The following VDR variants were observed in gnomAD, a reference collection of about 807,000 sequenced individuals.
VDR encodes the protein vitamin D receptor.
In VDR, 19 loss-of-function variants were observed where a neutral mutation model predicts 39.7. The ratio of observed to expected loss-of-function variants is 0.48; its 90% CI spans 0.33 to 0.70. VDR has a LOEUF of 0.70. VDR is among the 30% of genes least tolerant of loss of function. The pLI, the probability that VDR is intolerant of heterozygous loss-of-function variation, is 0.02. For synonymous variants in VDR, 242 were observed against 215.8 expected (o/e 1.12, Z -1.07); for missense variants, 442 against 570.5 (o/e 0.77, Z 2.29).
intron 1 of VDR, among the ~76,000 whole-genome samples, chr12:47,887,376 G>T (rs1946278320): frequency 6.8e-6 from 1 of 146,800 alleles, no homozygotes; most frequent in Admixed American, 6.8e-5. Context: ...AAAAGGAAAA[G>T]GATCCCTTTT....
chr12:47,856,621 T>A lies in VDR; in HGVS notation c.583+508A>T, dbSNP rs201530467. On this transcript the variant is annotated intron_variant, in intron 6 of 9. Coordinates refer to ENST00000549336, the MANE Select transcript of VDR (RefSeq NM_000376.3). Reference sequence around the variant, plus strand: ...TTCTAAATATACATATGTGTTTTTTTTAAAAAAAAAAAAAAAAAGAAAGGA... The same window carrying A: ...TTCTAAATATACATATGTGTTTTTTATAAAAAAAAAAAAAAAAAGAAAGGA... Among the ~76,000 whole-genome samples, 621 of 122,962 alleles carry A rather than the reference T, an allele frequency of 5.1e-3. 4 individuals carry two copies. Among genetic ancestry groups the A allele is most frequent in the Non-Finnish European group, 6.2e-3 (345 of 55,550 alleles). 80.7% of individuals were successfully genotyped at this position (122,962 alleles called of 152,430 possible). A position where few individuals can be genotyped will look rare whatever the true frequency, so the allele number is the denominator to read the frequency against.
chr12:47,845,453 C>T (rs1945262331), intron 9 of VDR, among the ~76,000 whole-genome samples: 2 of 152,064 alleles, frequency 1.3e-5, no homozygotes, highest in African/African-American at 4.8e-5. Flanking sequence ...GCCCAGACCA[C>T]GTCAGCTTCC....
intron 4 of VDR, 38 bp downstream of exon 4, chr12:47,865,009 C>T (rs751302771): frequency 4.3e-6 from 7 of 1,611,050 alleles, no homozygotes; most frequent in Non-Finnish European, 5.9e-6. Context: ...CCTGACTCCA[C>T]TTCAGGCCCA....
At chr12:47,880,612 C>T (rs1206917521) in intron 2 of VDR, among the ~76,000 whole-genome samples, 1 of 152,134 alleles carries the variant, frequency 6.6e-6, no homozygotes, top group Non-Finnish European at 1.5e-5. Context: ...CAGAGGGAAT[C>T]CCGGTCACAG....
chr12:47,871,294 C>CTTTCTTTCTTTCTTTCTTTCTTTCTTTCT (rs1945858080), intron 3 of VDR, among the ~76,000 whole-genome samples: 7 of 90,606 alleles, frequency 7.7e-5, no homozygotes, highest in African/African-American at 3.1e-4. Flanking sequence ...TTCTCTTTCT[C>CTTTCTTTCTTTCTTTCTTTCTTTCTTTCT]TTTCTTTCTT....
chr12:47,848,152 TA>T (rs2137125924), intron 7 of VDR, among the ~76,000 whole-genome samples: 1 of 152,290 alleles, frequency 6.6e-6, no homozygotes, highest in Non-Finnish European at 1.5e-5. Flanking sequence ...TCTGCCTGCC[TA>T]GGCTTCCCAA....
At position 47,904,462 on chromosome 12, in the gene VDR, T is replaced by TAAAAAAAAAAAAAAAAAA. The variant is rs17886628; in HGVS notation, c.-84+475_-84+492dup. On this transcript the variant is annotated intron_variant, in intron 1 of 9. Transcript: ENST00000549336. ...AACTCATTGGTAGTTCAAAGAAAAG[T>TAAAAAAAAAAAAAAAAAA]AAAAAAAAAAAAAAAAAAAAAAAAA... 1.7e-4 allele frequency: 61 copies of TAAAAAAAAAAAAAAAAAA among 360,320 alleles called. 1 individual carries two copies. The highest frequency in any genetic ancestry group is 8.9e-4 in the East Asian group (13 of 14,650). The allele number at this position is 360,320 out of a possible 1,614,324, so 22.3% of individuals were successfully genotyped here. A position where few individuals can be genotyped will look rare whatever the true frequency, so the allele number is the denominator to read the frequency against.
rs116521236 is a variant in VDR at position 47,889,442 on chromosome 12, A to G, written c.-83-6668T>C. On this transcript the variant is annotated intron_variant, in intron 1 of 9. Coordinates refer to ENST00000549336, the MANE Select transcript of VDR (RefSeq NM_000376.3). ...TTACAATCAACACAGAGAAACAAAAATGTTGCTAGGATCACCCACATGCTC... is the reference window on the plus strand; with the variant it reads ...TTACAATCAACACAGAGAAACAAAAGTGTTGCTAGGATCACCCACATGCTC... Among the ~76,000 whole-genome samples the G allele has an allele frequency of 4.0e-3, 615 of 152,190 alleles. 1 individual carries two copies. Among genetic ancestry groups the G allele is most frequent in the African/African-American group, 0.014 (591 of 41,554 alleles).
At chr12:47,854,338 G>A (rs1945442522) in intron 7 of VDR, among the ~76,000 whole-genome samples, 1 of 151,978 alleles carries the variant, frequency 6.6e-6, no homozygotes, top group South Asian at 2.1e-4. Flanking sequence ...TGTTGATCAG[G>A]CTGGTCTGGA....
At chr12:47,868,777 T>G (rs1164710305) in intron 3 of VDR, among the ~76,000 whole-genome samples, 2 of 143,054 alleles carry the variant, frequency 1.4e-5, no homozygotes, top group Non-Finnish European at 3.1e-5. Context: ...TTTTTTTTTT[T>G]TTGTTTTTCA....
At chr12:47,891,857 G>A (rs571595141) in intron 1 of VDR, among the ~76,000 whole-genome samples, 74 of 152,192 alleles carry the variant, frequency 4.9e-4, no homozygotes, top group African/African-American at 1.6e-3. Context: ...CCAGGATGCC[G>A]ATGCCCCGCT....
chr12:47,874,466 C>T (rs191262509), intron 3 of VDR, among the ~76,000 whole-genome samples: 77 of 152,298 alleles, frequency 5.1e-4, no homozygotes, highest in African/African-American at 1.8e-3. Context: ...TTCCTGAATG[C>T]CAGAACATTC....
intron 7 of VDR, among the ~76,000 whole-genome samples, chr12:47,850,837 C>T (rs1438393094): frequency 6.6e-6 from 1 of 152,080 alleles, no homozygotes; most frequent in Non-Finnish European, 1.5e-5. Context: ...TTCGTCTTTC[C>T]CACCCCCACA....
At chr12:47,896,093 C>T (rs909944992) in intron 1 of VDR, among the ~76,000 whole-genome samples, 1 of 152,262 alleles carries the variant, frequency 6.6e-6, no homozygotes, top group Non-Finnish European at 1.5e-5. Flanking sequence ...ACTCTCTAAG[C>T]TTCTGCTTCC....
At chr12:47,871,327 T>TTTCTTTCTTTCTTTCC (rs1424254619) in intron 3 of VDR, among the ~76,000 whole-genome samples, 2 of 145,048 alleles carry the variant, frequency 1.4e-5, no homozygotes, top group Non-Finnish European at 3.0e-5. Context: ...TCTTTCTTTC[T>TTTCTTTCTTTCTTTCC]TTCTTTCTTT....
At position 47,879,186 on chromosome 12, in the gene VDR, C is replaced by T. The variant is rs1946084094; in HGVS notation, c.-2-71G>A. The T allele has an allele frequency of 3.9e-6, 6 of 1,557,390 alleles. No homozygotes were observed. The Admixed American group carries it at 1.0e-4, about 27-fold the overall frequency. ...CAGGGCCAGCTGGCATCCTTGGTGC[C>T]ACCCACCCCCAGCCTCATCCCACCG... is the stretch of plus-strand genomic sequence containing the variant. On this transcript the variant is annotated intron_variant, in intron 2 of 9. Transcript: ENST00000549336.
Position 47,882,949 on chromosome 12 carries a change from TG to T in VDR, c.-83-176del, listed in dbSNP as rs1389069434. 5.6e-5 allele frequency: 31 copies of T among 551,726 alleles called. No individual in the cohort carries two copies. In the Admixed American group the frequency reaches 1.1e-3, roughly 19 times the overall value. The allele number at this position is 551,726 out of a possible 1,614,324, so 34.2% of individuals were successfully genotyped here. ...TGCCATGTCATCGCTGGCAGGGGTG[TG>T]GGGGTGGCGGCTGGGCAGCAGCCAG... On this transcript the variant is annotated intron_variant, in intron 1 of 9. Transcript: ENST00000549336.
chr12:47,884,955 G>C (rs1946225355), intron 1 of VDR, among the ~76,000 whole-genome samples: 1 of 152,116 alleles, frequency 6.6e-6, no homozygotes, highest in East Asian at 1.9e-4. Flanking sequence ...AGATATCCTA[G>C]ATTCAGCCTC....
intron 1 of VDR, among the ~76,000 whole-genome samples, chr12:47,886,848 T>C (rs1946264965): frequency 6.6e-6 from 1 of 152,222 alleles, no homozygotes; most frequent in Non-Finnish European, 1.5e-5. Flanking sequence ...GATGGCTCTA[T>C]GCTTAGAAAG....
Sources: allele counts gnomAD v4.1 joint callset (sites outside exome capture counted in the v4.1 genomes callset), GRCh38; gene constraint gnomAD v4.1.1; transcripts MANE v1.5; gene names NCBI Gene and HGNC (gene_info 2026-07-23, HGNC 2026-07-21).